The following MAD1L1 variants were observed in gnomAD, a reference collection of about 807,000 sequenced individuals.
MAD1L1 encodes mitotic spindle assembly checkpoint protein MAD1.
In MAD1L1, 95 loss-of-function variants were observed where a neutral mutation model predicts 96.9. That is an observed-to-expected ratio of 0.98 (90% confidence interval 0.83 to 1.16). The LOEUF (loss-of-function observed/expected upper bound fraction) is 1.16. MAD1L1 is among the 50% of genes most tolerant of loss of function. MAD1L1 has a pLI of 0.00. For missense variants in MAD1L1, 1,007 were observed against 954.4 expected (o/e 1.06, Z -0.73); for synonymous variants, 473 against 396.6 (o/e 1.19, Z -2.29).
At chr7:2,060,732 A>G (rs1784627690) in intron 12 of MAD1L1, among the ~76,000 whole-genome samples, 1 of 152,228 alleles carries the variant, frequency 6.6e-6, no homozygotes, top group South Asian at 2.1e-4. Flanking sequence ...CGGCCTTGCA[A>G]TAGAGGCTGC....
At chr7:2,081,983 G>C (rs1351448450) in intron 11 of MAD1L1, among the ~76,000 whole-genome samples, 1 of 152,362 alleles carries the variant, frequency 6.6e-6, no homozygotes, top group South Asian at 2.1e-4. Context: ...TCTGATCATG[G>C]AGATTAGGAG....
chr7:2,028,928 G>A (rs1374214656), intron 12 of MAD1L1, among the ~76,000 whole-genome samples: 2 of 152,038 alleles, frequency 1.3e-5, no homozygotes, highest in African/African-American at 4.8e-5. Context: ...GGGCAACAAG[G>A]CTGCGCAGTG....
chr7:1,884,397 C>G (rs1757395502), intron 18 of MAD1L1, among the ~76,000 whole-genome samples: 1 of 152,198 alleles, frequency 6.6e-6, no homozygotes. Context: ...GAGGTGAGCC[C>G]TGGACTCCTG....
intron 18 of MAD1L1, among the ~76,000 whole-genome samples, chr7:1,891,401 C>T (rs1786530920): frequency 6.6e-6 from 1 of 152,176 alleles, no homozygotes; most frequent in South Asian, 2.1e-4. Context: ...TGGCGCACCC[C>T]TGTAATGCCA....
intron 14 of MAD1L1, among the ~76,000 whole-genome samples, chr7:1,988,059 C>T (rs905192857): frequency 6.6e-6 from 1 of 152,168 alleles, no homozygotes; most frequent in East Asian, 1.9e-4. Context: ...CCATGAGAGG[C>T]GAGGAGCGGC....
chr7:2,060,884 A>T (rs1345161716), intron 12 of MAD1L1, among the ~76,000 whole-genome samples: 1 of 152,282 alleles, frequency 6.6e-6, no homozygotes, highest in Non-Finnish European at 1.5e-5. Context: ...CACCAGCATC[A>T]GCAAACGTCG....
intron 18 of MAD1L1, among the ~76,000 whole-genome samples, chr7:1,889,435 ACCC>A (rs1222273028): frequency 6.6e-6 from 1 of 152,008 alleles, no homozygotes; most frequent in African/African-American, 2.4e-5. Flanking sequence ...CCTCAGGAGG[ACCC>A]CAGCAGCTCT....
intron 11 of MAD1L1, among the ~76,000 whole-genome samples, chr7:2,109,308 G>A (rs1170183541): frequency 1.3e-5 from 2 of 152,212 alleles, no homozygotes; most frequent in Non-Finnish European, 2.9e-5. Flanking sequence ...GAGAGCACTG[G>A]AGGCGCACAC....
intron 14 of MAD1L1, among the ~76,000 whole-genome samples, chr7:1,985,786 AC>A (rs1781112103): frequency 3.3e-3 from 2 of 612 alleles, no homozygotes; most frequent in Non-Finnish European, 0.056. Context: ...TCCTTCCTGT[AC>A]TGCCCCCTAC....
chr7:1,942,225 G>A (rs543702352), intron 16 of MAD1L1, among the ~76,000 whole-genome samples: 2 of 152,312 alleles, frequency 1.3e-5, no homozygotes, highest in Admixed American at 1.3e-4. Context: ...CCACAGAGGA[G>A]CCTCCTGGGC....
chr7:1,821,103 G>A (rs1401169346), intron 18 of MAD1L1, among the ~76,000 whole-genome samples: 1 of 146,312 alleles, frequency 6.8e-6, no homozygotes, highest in African/African-American at 2.5e-5. Context: ...AGGGGGGGGG[G>A]AGAGTGAAAT....
intron 12 of MAD1L1, among the ~76,000 whole-genome samples, chr7:2,041,523 C>A (rs896951970): frequency 3.3e-5 from 5 of 152,178 alleles, no homozygotes; most frequent in Non-Finnish European, 7.4e-5. Context: ...GTTCCCCACA[C>A]TCCCTTTAAA....
intron 11 of MAD1L1, among the ~76,000 whole-genome samples, chr7:2,125,638 C>T (rs930267116): frequency 3.9e-5 from 6 of 152,180 alleles, no homozygotes; most frequent in African/African-American, 9.7e-5. Context: ...AGGTTTCTGA[C>T]GACTCCAAAC....
At chr7:2,216,857 T>C (rs1793309631) in intron 7 of MAD1L1, among the ~76,000 whole-genome samples, 1 of 152,204 alleles carries the variant, frequency 6.6e-6, no homozygotes, top group Non-Finnish European at 1.5e-5. Context: ...CTCAGGACTC[T>C]CCTGTGGGAG....
intron 10 of MAD1L1, among the ~76,000 whole-genome samples, chr7:2,182,253 A>G (rs564263577): frequency 2.6e-5 from 4 of 152,280 alleles, no homozygotes; most frequent in Admixed American, 2.0e-4. Context: ...TATCCATCCA[A>G]TGAAAAATCA....
At chr7:2,050,415 G>C (rs1784118484) in intron 12 of MAD1L1, among the ~76,000 whole-genome samples, 1 of 147,792 alleles carries the variant, frequency 6.8e-6, no homozygotes, top group Non-Finnish European at 1.5e-5. Context: ...ACCAGGCTGA[G>C]GGTGGTGAGC....
chr7:2,149,628 TAAC>T (rs1175925615), intron 10 of MAD1L1, among the ~76,000 whole-genome samples: 6 of 152,282 alleles, frequency 3.9e-5, no homozygotes, highest in Non-Finnish European at 7.4e-5. Flanking sequence ...GACCCACATA[TAAC>T]AACAAGAGTA....
intron 11 of MAD1L1, among the ~76,000 whole-genome samples, chr7:2,129,674 A>T (rs984927771): frequency 1.3e-5 from 2 of 152,242 alleles, no homozygotes; most frequent in African/African-American, 4.8e-5. Context: ...AGACAGACAC[A>T]GCTGGACACG....
chr7:1,862,193 C>A (rs1043921345), intron 18 of MAD1L1, among the ~76,000 whole-genome samples: 1 of 152,198 alleles, frequency 6.6e-6, no homozygotes, highest in Non-Finnish European at 1.5e-5. Context: ...ACTTCGGGAG[C>A]CAGGTTACTC....
Sources: allele counts gnomAD v4.1 joint callset (sites outside exome capture counted in the v4.1 genomes callset), GRCh38; gene constraint gnomAD v4.1.1; transcripts MANE v1.5; gene names NCBI Gene and HGNC (gene_info 2026-07-23, HGNC 2026-07-21).